Variants in LYPLA1 observed in about 807,000 individuals in gnomAD.
The protein encoded by LYPLA1 is lysophospholipase 1.
In LYPLA1, 17 loss-of-function variants were observed where a neutral mutation model predicts 34.0. The observed-to-expected ratio is 0.50, with a 90% CI of 0.34 to 0.75. The LOEUF (loss-of-function observed/expected upper bound fraction) is 0.75. LYPLA1 is among the 30% of genes least tolerant of loss of function. LYPLA1 has a pLI of 0.01. For missense variants in LYPLA1, 203 were observed against 288.8 expected, an observed-to-expected ratio of 0.70 and a Z score of 2.15; for synonymous variants, 98 against 100.8, an observed-to-expected ratio of 0.97 and a Z score of 0.17.
At chr8:54,058,759 T>C (rs1041098128) in intron 5 of LYPLA1, among the ~76,000 whole-genome samples, 37 of 151,850 alleles carry the variant, frequency 2.4e-4, no homozygotes, top group Non-Finnish European at 4.3e-4. Context: ...TGTTTTTTTT[T>C]TTGTAGCGAC....
intron 2 of LYPLA1, among the ~76,000 whole-genome samples, chr8:54,099,626 C>A (rs1809958762): frequency 6.6e-6 from 1 of 152,168 alleles, no homozygotes; most frequent in Admixed American, 6.5e-5. Flanking sequence ...CACGCCACTG[C>A]CCTCCAGCCA....
intron 2 of LYPLA1, among the ~76,000 whole-genome samples, chr8:54,078,806 C>A (rs1357075532): frequency 6.6e-6 from 1 of 151,760 alleles, no homozygotes. Context: ...TCTGCTAAGA[C>A]AAATGTAAGT....
intron 2 of LYPLA1, among the ~76,000 whole-genome samples, chr8:54,087,222 T>G (rs913511376): frequency 1.3e-5 from 2 of 152,234 alleles, no homozygotes; most frequent in African/African-American, 4.8e-5. Context: ...CAAAAAGGTA[T>G]ATTTCTATAC....
chr8:54,054,967 A>T lies in LYPLA1; in HGVS notation c.360+93T>A, dbSNP rs1157781529. ...AGTGTATCAGTCAAGATTCTATAAC[A>T]TCAAAAAAGACTACTCTATAGAAAG... On this transcript the variant is annotated intron_variant, in intron 6 of 8. Transcript: ENST00000316963. 3 of 755,962 alleles carry T rather than the reference A, an allele frequency of 4.0e-6. No homozygotes were observed. In the African/African-American group the frequency reaches 5.4e-5, roughly 14 times the overall value. 46.8% of individuals were successfully genotyped at this position (755,962 alleles called of 1,614,324 possible).
At chr8:54,084,137 A>ATATATATATATATAT (rs1563642470) in intron 2 of LYPLA1, among the ~76,000 whole-genome samples, 9 of 120,140 alleles carry the variant, frequency 7.5e-5, no homozygotes, top group African/African-American at 3.7e-4. Flanking sequence ...AAAAAAAATA[A>ATATATATATATATAT]ATAAATATAT....
intron 2 of LYPLA1, among the ~76,000 whole-genome samples, chr8:54,070,701 C>T (rs777610562): frequency 1.3e-5 from 2 of 152,052 alleles, no homozygotes; most frequent in African/African-American, 4.8e-5. Flanking sequence ...CCAGCCTGGG[C>T]GGCAGAGCGA....
chr8:54,046,065 A>C (rs1475552059), downstream of LYPLA1, among the ~76,000 whole-genome samples: 4 of 152,104 alleles, frequency 2.6e-5, no homozygotes, highest in Non-Finnish European at 5.9e-5. Context: ...TGTCTCAAAA[A>C]TAAAATAAAA....
chr8:54,051,470 C>T (rs779898334), intron 7 of LYPLA1, among the ~76,000 whole-genome samples: 8 of 152,044 alleles, frequency 5.3e-5, no homozygotes, highest in African/African-American at 7.2e-5. Context: ...TTTTTTGAGA[C>T]GGAGTCTTGC....
chr8:54,048,727 C>A (rs1212932438), intron 8 of LYPLA1, among the ~76,000 whole-genome samples: 2 of 152,180 alleles, frequency 1.3e-5, no homozygotes, highest in African/African-American at 4.8e-5. Context: ...TATTTCAAGG[C>A]CTTACTTAGC....
chr8:54,098,144 A>G (rs1286692470), intron 2 of LYPLA1, among the ~76,000 whole-genome samples: 1 of 151,886 alleles, frequency 6.6e-6, no homozygotes, highest in Non-Finnish European at 1.5e-5. Flanking sequence ...AGTTGCTTGA[A>G]CCTGGAGAGT....
At chr8:54,099,447 G>A (rs1809944175) in intron 2 of LYPLA1, among the ~76,000 whole-genome samples, 3 of 152,158 alleles carry the variant, frequency 2.0e-5, no homozygotes, top group Admixed American at 2.0e-4. Context: ...GGAGGCTCAG[G>A]TGGGTGGATC....
intron 2 of LYPLA1, among the ~76,000 whole-genome samples, chr8:54,089,125 AAG>A (rs1809012877): frequency 3.3e-5 from 5 of 152,366 alleles, no homozygotes. Context: ...TTCTGGAATT[AAG>A]ACAGTGGTAA....
intron 5 of LYPLA1, among the ~76,000 whole-genome samples, chr8:54,055,772 T>C (rs1032431757): frequency 1.3e-5 from 2 of 151,962 alleles, no homozygotes; most frequent in African/African-American, 2.4e-5. Context: ...GCCTCCCAAG[T>C]AGCTGGGACT....
chr8:54,063,464 G>C (rs918654038), intron 3 of LYPLA1, 89 bp from the exon 4 acceptor site: 2 of 803,632 alleles, frequency 2.5e-6, no homozygotes, highest in African/African-American at 3.5e-5. Flanking sequence ...AATTGCTTGA[G>C]ACCTACACAA....
At chr8:54,096,440 T>C (rs1055129585) in intron 2 of LYPLA1, among the ~76,000 whole-genome samples, 1 of 152,026 alleles carries the variant, frequency 6.6e-6, no homozygotes, top group Non-Finnish European at 1.5e-5. Context: ...CCGTCTCTAC[T>C]AAAACTACAA....
At chr8:54,052,535 A>G in intron 7 of LYPLA1, 120 bp downstream of exon 7, 2 of 661,590 alleles carry the variant, frequency 3.0e-6, no homozygotes, top group South Asian at 4.0e-5. Context: ...CTGTGAATTT[A>G]GAACTTCTCC....
Position 54,051,011 on chromosome 8 carries a change from C to A in LYPLA1, c.639+1G>T. 6.2e-7 allele frequency: 1 copy of A among 1,601,228 alleles called. No individual in the cohort carries two copies. Among genetic ancestry groups the A allele is most frequent in the Non-Finnish European group, 8.5e-7 (1 of 1,170,638 alleles). ...GCTGATCACTGCTTCTAGACACCTA[C>A]CTGTTGACACGAACTGTGCATCATA... On this transcript the variant is annotated splice_donor_variant, in intron 8 of 8. Coordinates refer to ENST00000316963, the MANE Select transcript of LYPLA1 (RefSeq NM_006330.4). LOFTEE classifies it high-confidence loss of function.
chr8:54,067,697 T>C (rs1807170142), intron 2 of LYPLA1, among the ~76,000 whole-genome samples: 1 of 150,494 alleles, frequency 6.6e-6, no homozygotes, highest in Admixed American at 6.6e-5. Context: ...ATGTTAATTT[T>C]TTTTTTTTTT....
In LYPLA1 at chr8:54,052,707, G is replaced by A; in HGVS notation, c.410C>T (p.Ala137Val). ...YTALTTQQKL[A>V]GVTALSCWLP... The stretch of plus-strand genomic sequence containing the variant: ...CCAGCAACTGAGTGCAGTGACACCT[G>A]CCAGTTTCTGCTGTGTGGTAAGGGC... The change falls in exon 7 of 9, where the codon GCA becomes GTA. Residue 137 changes from alanine to valine, a missense_variant. Around this residue, in one of 3 missense-constraint regions of LYPLA1, gnomAD observed 123 missense variants for 199.2 expected, o/e 0.62. Transcript: ENST00000316963. 2 of 1,613,924 alleles carry A rather than the reference G, an allele frequency of 1.2e-6. No individual in the cohort carries two copies. The highest frequency in any genetic ancestry group is 1.7e-6 in the Non-Finnish European group (2 of 1,179,872).
Sources: gnomAD v4.1 joint callset for allele counts (sites outside exome capture counted in the v4.1 genomes callset) on GRCh38, gnomAD v4.1.1 for gene constraint, gnomAD v4.1.1 regional missense constraint, MANE v1.5 for transcripts, NCBI Gene and HGNC (gene_info 2026-07-23, HGNC 2026-07-21) for gene names.